PKD2L2: variants seen among roughly 807,000 people sequenced by gnomAD.
PKD2L2 encodes polycystin 2 like 2, transient receptor potential cation channel, also known as polycystin-2-like protein 2.
A neutral mutation model predicts 83.9 loss-of-function variants in PKD2L2; 67 were observed. That is an observed-to-expected ratio of 0.80 (90% CI 0.66 to 0.98). The LOEUF (loss-of-function observed/expected upper bound fraction) is 0.98. Among genes scored for constraint, PKD2L2 ranks in the 50% least tolerant of loss-of-function variants. The pLI is 0.00. For missense variants in PKD2L2, 632 were observed against 717.2 expected (o/e 0.88, Z 1.36); for synonymous variants, 223 against 237.8 (o/e 0.94, Z 0.57).
At chr5:137,921,480 A>G (rs1164454696) in intron 8 of PKD2L2, among the ~76,000 whole-genome samples, 156 bp from the exon 9 acceptor site, 1 of 152,088 alleles carries the variant, frequency 6.6e-6, no homozygotes, top group Non-Finnish European at 1.5e-5. Flanking sequence ...GGAATTTTCT[A>G]CATCCAATTT....
intron 5 of PKD2L2, among the ~76,000 whole-genome samples, chr5:137,902,906 C>T (rs1170413112): frequency 1.3e-5 from 2 of 152,170 alleles, no homozygotes; most frequent in African/African-American, 2.4e-5. Flanking sequence ...TTGTTTAAAC[C>T]AATTTAAGTT....
At chr5:137,911,560 T>A (rs1161291628) in intron 8 of PKD2L2, among the ~76,000 whole-genome samples, 1 of 152,318 alleles carries the variant, frequency 6.6e-6, no homozygotes, top group East Asian at 1.9e-4. Flanking sequence ...AAATTATATA[T>A]ATTTATGCTA....
chr5:137,904,319 A>G (rs1481517400), intron 5 of PKD2L2, among the ~76,000 whole-genome samples: 3 of 152,174 alleles, frequency 2.0e-5, no homozygotes, highest in Admixed American at 6.6e-5. Flanking sequence ...AGCTTCCACT[A>G]AGTGATCTGG....
chr5:137,931,310 C>A (rs1027356188), intron 12 of PKD2L2, among the ~76,000 whole-genome samples: 1 of 151,886 alleles, frequency 6.6e-6, no homozygotes, highest in African/African-American at 2.4e-5. Context: ...TCCTCTTTGC[C>A]CTAGCAAAGA....
In PKD2L2 at chr5:137,899,679, G is replaced by C; in HGVS notation, c.688G>C (p.Val230Leu). 2 of 1,613,120 alleles carry C rather than the reference G, an allele frequency of 1.2e-6. No homozygotes were observed. The highest frequency in any genetic ancestry group is 1.7e-6 in the Non-Finnish European group (2 of 1,179,196). The change falls in exon 5 of 15, where the codon GTT becomes CTT. Residue 230 changes from valine to leucine, a missense_variant. By Grantham distance (32) the Val-to-Leu change is conservative (BLOSUM62 1). Transcript: ENST00000508883. Reference protein sequence around the residue: ...LNSWITRGTRVIFIDFSLYNA... With the variant: ...LNSWITRGTRLIFIDFSLYNA... ...CAGCTGGATCACAAGAGGGACTAGA[G>C]TTATTTTTATTGATTTTTCCTTATA...
chr5:137,915,954 A>G (rs544205543), intron 8 of PKD2L2, among the ~76,000 whole-genome samples: 11 of 152,302 alleles, frequency 7.2e-5, no homozygotes, highest in African/African-American at 2.4e-4. Flanking sequence ...ATCTAGTGAT[A>G]ATAAACTCCT....
chr5:137,925,569 T>A lies in PKD2L2; in HGVS notation c.1617-306T>A, dbSNP rs146179045. On this transcript the variant is annotated intron_variant, in intron 11 of 14. Transcript: ENST00000508883. Reference sequence around the variant, plus strand: ...TTATTTGGCTATAAAAATAAAAACATTTACACACAATACTTACGGACAATA... The same window carrying A: ...TTATTTGGCTATAAAAATAAAAACAATTACACACAATACTTACGGACAATA... 5.9e-5 allele frequency among the ~76,000 whole-genome samples: 9 copies of A among 152,336 alleles called. No individual in the cohort carries two copies. In the East Asian group the frequency reaches 1.7e-3, roughly 29 times the overall value.
chr5:137,896,672 G>T (rs1357335758), intron 4 of PKD2L2, among the ~76,000 whole-genome samples: 1 of 151,570 alleles, frequency 6.6e-6, no homozygotes. Context: ...TTGCTCTCCC[G>T]AAGAGCTGGA....
chr5:137,934,655 T>A (rs913777307), intron 12 of PKD2L2, among the ~76,000 whole-genome samples: 1 of 151,864 alleles, frequency 6.6e-6, no homozygotes. Context: ...TAAAAAAAAA[T>A]ACAAAAATTA....
intron 5 of PKD2L2, among the ~76,000 whole-genome samples, chr5:137,902,749 T>C (rs1216649165): frequency 2.0e-5 from 3 of 152,136 alleles, no homozygotes; most frequent in Non-Finnish European, 2.9e-5. Flanking sequence ...ACAGACATCT[T>C]GGGGAAGCGT....
chr5:137,931,212 G>A (rs12719511), intron 12 of PKD2L2, among the ~76,000 whole-genome samples: 112,294 of 152,088 alleles, frequency 0.74, 42,113 homozygotes, highest in East Asian at 0.97. Context: ...AGTCATCAAA[G>A]AGCTGTCTCC....
chr5:137,931,308 G>A (rs1415105343), intron 12 of PKD2L2, among the ~76,000 whole-genome samples: 3 of 151,982 alleles, frequency 2.0e-5, no homozygotes, highest in African/African-American at 7.2e-5. Context: ...ATTCCTCTTT[G>A]CCCTAGCAAA....
At chr5:137,910,087 G>A (rs946594870) in intron 8 of PKD2L2, among the ~76,000 whole-genome samples, 20 of 152,122 alleles carry the variant, frequency 1.3e-4, no homozygotes, top group South Asian at 2.1e-4. Flanking sequence ...CTAGCTGGAT[G>A]TGGTGGCATA....
At chr5:137,894,311 A>C in intron 3 of PKD2L2, 42 bp from the exon 4 acceptor site, 2 of 1,529,758 alleles carry the variant, frequency 1.3e-6, no homozygotes, top group Non-Finnish European at 1.8e-6. Context: ...TTCTGTTGAC[A>C]TGAAAATATT....
chr5:137,913,494 T>A (rs935878260), intron 8 of PKD2L2, among the ~76,000 whole-genome samples: 6 of 150,810 alleles, frequency 4.0e-5, no homozygotes, highest in Middle Eastern at 3.2e-3. Flanking sequence ...ATGGCTAATT[T>A]TTTTTTTTTT....
intron 6 of PKD2L2, 69 bp downstream of exon 6, chr5:137,906,503 AAGAC>A: frequency 1.3e-6 from 1 of 742,508 alleles, no homozygotes; most frequent in Non-Finnish European, 2.2e-6. Context: ...GAGGTGTAAA[AAGAC>A]AGAATCTTCT....
intron 4 of PKD2L2, among the ~76,000 whole-genome samples, chr5:137,895,129 A>C (rs1478707672): frequency 6.6e-6 from 1 of 152,136 alleles, no homozygotes; most frequent in Admixed American, 6.6e-5. Flanking sequence ...TTGTGTTTCA[A>C]AGTGACTGAG....
At chr5:137,921,470 G>A (rs1758899492) in intron 8 of PKD2L2, among the ~76,000 whole-genome samples, 166 bp from the exon 9 acceptor site, 1 of 152,000 alleles carries the variant, frequency 6.6e-6, no homozygotes, top group Admixed American at 6.6e-5. Flanking sequence ...TTCCTTTAGG[G>A]GAATTTTCTA....
intron 12 of PKD2L2, among the ~76,000 whole-genome samples, chr5:137,930,761 A>G (rs1759810653): frequency 6.6e-6 from 1 of 151,816 alleles, no homozygotes. Flanking sequence ...GTAAAAAAAA[A>G]ATACTCAGAG....
Sources: gnomAD v4.1 joint callset for allele counts (sites outside exome capture counted in the v4.1 genomes callset) on GRCh38, gnomAD v4.1.1 for gene constraint, MANE v1.5 for transcripts, NCBI Gene and HGNC (gene_info 2026-07-23, HGNC 2026-07-21) for gene names.